The following NFXL1 variants were observed in gnomAD, a reference collection of about 807,000 sequenced individuals.
NFXL1 encodes nuclear transcription factor, X-box binding like 1.
In NFXL1, 66 loss-of-function variants were observed where a neutral mutation model predicts 123.3. That is an observed-to-expected ratio of 0.54 (90% confidence interval 0.44 to 0.66). The LOEUF (loss-of-function observed/expected upper bound fraction) is 0.66, where lower values mean the gene tolerates loss of function less well. Among genes scored for constraint, NFXL1 ranks in the 30% least tolerant of loss-of-function variants. The pLI, the probability that NFXL1 is intolerant of heterozygous loss-of-function variation, is 0.00. For synonymous variants in NFXL1, 346 were observed against 360.8 expected, an observed-to-expected ratio of 0.96 and a Z score of 0.46; for missense variants, 944 against 1,125.6, an observed-to-expected ratio of 0.84 and a Z score of 2.31.
At chr4:47,884,188 G>T (rs1261427048) in intron 15 of NFXL1, among the ~76,000 whole-genome samples, 158 bp downstream of exon 15, 1 of 152,100 alleles carries the variant, frequency 6.6e-6, no homozygotes, top group Non-Finnish European at 1.5e-5. Flanking sequence ...AAACATGTTT[G>T]AAAAGAATGA....
chr4:47,859,020 C>T (rs1734573068), intron 19 of NFXL1, among the ~76,000 whole-genome samples: 1 of 152,142 alleles, frequency 6.6e-6, no homozygotes, highest in Non-Finnish European at 1.5e-5. Context: ...AGAAAGTTGA[C>T]TTGAATGCAT....
At chr4:47,862,070 T>C (rs1262853525) in intron 19 of NFXL1, among the ~76,000 whole-genome samples, 1 of 152,200 alleles carries the variant, frequency 6.6e-6, no homozygotes, top group African/African-American at 2.4e-5. Flanking sequence ...ATTTTAACTG[T>C]CCCACTCCCA....
intron 18 of NFXL1, among the ~76,000 whole-genome samples, chr4:47,874,519 G>C (rs1331026439): frequency 6.6e-6 from 1 of 152,190 alleles, no homozygotes; most frequent in African/African-American, 2.4e-5. Flanking sequence ...CTGTCTCACA[G>C]AAGTGCAGTT....
At chr4:47,885,180 A>G (rs1354556919) in intron 14 of NFXL1, among the ~76,000 whole-genome samples, 1 of 151,584 alleles carries the variant, frequency 6.6e-6, no homozygotes, top group East Asian at 1.9e-4. Flanking sequence ...AAAATATTAA[A>G]AAGTGAATAA....
chr4:47,871,103 T>C (rs1393353992), intron 18 of NFXL1, among the ~76,000 whole-genome samples: 1 of 151,916 alleles, frequency 6.6e-6, no homozygotes, highest in African/African-American at 2.4e-5. Context: ...ATACACTTGG[T>C]TCTTTGGGAG....
chr4:47,899,295 A>G (rs1453750619), intron 6 of NFXL1, 75 bp downstream of exon 6: 2 of 1,405,436 alleles, frequency 1.4e-6, no homozygotes, highest in African/African-American at 3.0e-5. Flanking sequence ...TTCAACTTTT[A>G]CAATTTTTTT....
At chr4:47,856,019 T>C (rs1734389620) in intron 19 of NFXL1, among the ~76,000 whole-genome samples, 1 of 152,178 alleles carries the variant, frequency 6.6e-6, no homozygotes, top group Non-Finnish European at 1.5e-5. Flanking sequence ...TGTTGTAACA[T>C]TGCTTGTGGT....
chr4:47,883,125 A>G (rs539495971), intron 15 of NFXL1, among the ~76,000 whole-genome samples: 1 of 152,256 alleles, frequency 6.6e-6, no homozygotes, highest in South Asian at 2.1e-4. Flanking sequence ...TTTTATCAAG[A>G]AAGTGTGTCA....
At chr4:47,874,673 A>C (rs1560589137) in intron 18 of NFXL1, among the ~76,000 whole-genome samples, 1 of 150,614 alleles carries the variant, frequency 6.6e-6, no homozygotes, top group Non-Finnish European at 1.5e-5. Flanking sequence ...TGCTGTTGGA[A>C]AAAGGGCATC....
intron 12 of NFXL1, 122 bp downstream of exon 12, chr4:47,890,491 A>G: frequency 3.3e-6 from 2 of 613,432 alleles, no homozygotes; most frequent in Non-Finnish European, 5.8e-6. Context: ...CCAGGTTAAG[A>G]GAGTCAAGTG....
chr4:47,848,169 G>A lies in NFXL1; in HGVS notation c.2730C>T (p.Val910=), dbSNP rs749383964. The change falls in exon 23 of 23, where the codon GTC becomes GTT. Residue 910 remains valine (V), a synonymous_variant. Transcript: ENST00000507489. Reference sequence around the variant, plus strand: ...TAAAAGATCAAAACTTTTTTTAATTGACATCATGGGTGATGTACCAGGCAA... The same window carrying A: ...TAAAAGATCAAAACTTTTTTTAATTAACATCATGGGTGATGTACCAGGCAA... ...VVFAWYITHD[V]N is the part of the protein sequence containing the mutation. The A allele has an allele frequency of 5.8e-6, 9 of 1,540,064 alleles. No homozygotes were observed. In the South Asian group the frequency reaches 1.1e-4, roughly 19 times the overall value.
intron 19 of NFXL1, among the ~76,000 whole-genome samples, chr4:47,862,237 A>AT: frequency 6.6e-6 from 1 of 152,328 alleles, no homozygotes; most frequent in Middle Eastern, 3.4e-3. Context: ...AGTTTGAATA[A>AT]AATGCTTAGA....
At chr4:47,854,836 A>G (rs375975570) in intron 20 of NFXL1, among the ~76,000 whole-genome samples, 1 of 151,960 alleles carries the variant, frequency 6.6e-6, no homozygotes, top group African/African-American at 2.4e-5. Flanking sequence ...AATTGCAGAA[A>G]ATTAAATCGC....
In NFXL1 at chr4:47,898,992, C is replaced by G. The variant is rs1264441120; in HGVS notation, c.955G>C (p.Gly319Arg). ...CAAGGATTTTCACACTTATGTTGCC[C>G]ACAAAGCAACTTCTGTCCACATGGC... ...QLPCGQKLLC[G>R]QHKCENPCHA... Residue 319 changes from glycine to arginine, a missense_variant, in exon 7 of 23, where the codon GGG becomes CGG. Gly to Arg is a moderately radical substitution (Grantham distance 125, BLOSUM62 -2). Coordinates refer to ENST00000507489, the MANE Select transcript of NFXL1 (RefSeq NM_001278624.2). 6.2e-7 allele frequency: 1 copy of G among 1,613,882 alleles called. No homozygotes were observed. Among genetic ancestry groups the G allele is most frequent in the African/African-American group, 1.3e-5 (1 of 74,842 alleles).
chr4:47,858,459 A>C (rs549918208), intron 19 of NFXL1, among the ~76,000 whole-genome samples: 1 of 152,378 alleles, frequency 6.6e-6, no homozygotes, highest in South Asian at 2.1e-4. Flanking sequence ...GAATGTTCAC[A>C]GCAGTATTTT....
intron 15 of NFXL1, 37 bp from the exon 16 acceptor site, chr4:47,879,154 A>C: frequency 1.1e-6 from 1 of 939,048 alleles, no homozygotes; most frequent in Admixed American, 2.8e-5. Context: ...AAAACATTAC[A>C]AATTATTCAA....
chr4:47,911,031 A>G (rs776752045), intron 2 of NFXL1, 37 bp from the exon 3 acceptor site: 17 of 1,299,098 alleles, frequency 1.3e-5, no homozygotes, highest in Middle Eastern at 2.5e-4. Flanking sequence ...CTGCAAAACA[A>G]TCTCTCAAAA....
chr4:47,871,170 G>A (rs1164896921), intron 18 of NFXL1, among the ~76,000 whole-genome samples: 1 of 152,154 alleles, frequency 6.6e-6, no homozygotes, highest in Non-Finnish European at 1.5e-5. Context: ...CTAACATGGT[G>A]AAACCCTGTC....
intron 20 of NFXL1, among the ~76,000 whole-genome samples, chr4:47,853,069 C>A (rs530605711): frequency 6.6e-6 from 1 of 151,444 alleles, no homozygotes; most frequent in Non-Finnish European, 1.5e-5. Context: ...TTAACATGAA[C>A]AAACACTGGA....
Sources: gnomAD v4.1 joint callset for allele counts (sites outside exome capture counted in the v4.1 genomes callset) on GRCh38, gnomAD v4.1.1 for gene constraint, MANE v1.5 for transcripts, NCBI Gene and HGNC (gene_info 2026-07-23, HGNC 2026-07-21) for gene names.